LY6G6D: variants seen among roughly 807,000 people sequenced by gnomAD.
LY6G6D encodes lymphocyte antigen 6 complex locus protein G6d.
Under a neutral mutation model 8.5 loss-of-function variants are expected in LY6G6D, and 5 were observed. The ratio of observed to expected loss-of-function variants is 0.59; its 90% CI spans 0.31 to 1.24. The LOEUF (loss-of-function observed/expected upper bound fraction) is 1.24. Ranked by LOEUF, LY6G6D falls within the 50% of genes most tolerant of loss-of-function variation. The pLI is 0.07. For synonymous variants in LY6G6D, 65 were observed against 69.6 expected (o/e 0.93, Z 0.33); for missense variants, 154 against 170.4 (o/e 0.90, Z 0.53).
intron 2 of LY6G6D, 89 bp downstream of exon 2, chr6:31,715,713 C>T: frequency 1.3e-6 from 2 of 1,542,944 alleles, no homozygotes; most frequent in Non-Finnish European, 1.8e-6. Context: ...CCTCCAGGCT[C>T]AGTCTGGCTC....
Position 31,717,357 on chromosome 6 carries a change from C to A in LY6G6D, c.179-224C>A. 2.0e-6 allele frequency: 2 copies of A among 980,182 alleles called. No homozygotes were observed. Among genetic ancestry groups the A allele is most frequent in the Non-Finnish European group, 3.0e-6 (2 of 666,160 alleles). The allele number at this position is 980,182 out of a possible 1,614,324, so 60.7% of individuals were successfully genotyped here. ...TTGCCATGATGAGATTGAGGTCATG[C>A]ATTTTAAGCAAGAATACTGCAGAAG... On this transcript the variant is annotated intron_variant, in intron 2 of 2. Transcript: ENST00000375825. This position sits in a 1 kb window ranked among gnomAD's most constrained non-coding sequence, Gnocchi z 5.0.
chr6:31,716,056 C>A lies in LY6G6D; in HGVS notation c.178+432C>A, dbSNP rs763238098. On this transcript the variant is annotated intron_variant, in intron 2 of 2. Transcript: ENST00000375825. This position sits in a 1 kb window ranked among gnomAD's most constrained non-coding sequence, Gnocchi z 5.1. ...ACAGAAAAGTTGCAGAAATACTCAA[C>A]TTCTCCTAATGCTAACATCTTACAT... Among the ~76,000 whole-genome samples the A allele has an allele frequency of 6.6e-6, 1 of 151,644 alleles. No homozygotes were observed. Among genetic ancestry groups the A allele is most frequent in the African/African-American group, 2.4e-5 (1 of 41,284 alleles).
Position 31,717,425 on chromosome 6 carries a change from AG to A in LY6G6D, c.179-154del. 6.4e-7 allele frequency: 1 copy of A among 1,571,790 alleles called. No homozygotes were observed. The highest frequency in any genetic ancestry group is 8.6e-7 in the Non-Finnish European group (1 of 1,156,564). On this transcript the variant is annotated intron_variant, in intron 2 of 2. Transcript: ENST00000375825. The surrounding 1 kb of genome is among the most constrained non-coding windows in gnomAD (Gnocchi z 5.0). ...TGCTGCATCACATCAGGAGTTTACA[AG>A]GTCAATGCATTAACTTTGATCACTT... is the stretch of plus-strand genomic sequence containing the variant.
At position 31,717,794 on chromosome 6, in the gene LY6G6D, G is replaced by GGA. The variant is rs749015797; in HGVS notation, c.394_395dup (p.Ser132ArgfsTer26). On this transcript the variant is annotated frameshift_variant, in exon 3 of 3. Transcript: ENST00000375825. LOFTEE classifies it high-confidence loss of function. The surrounding 1 kb of genome is among the most constrained non-coding windows in gnomAD (Gnocchi z 5.0). Reference sequence around the variant, plus strand: ...CTGACCTGTCTCTTGCCAGGACTGTGGAGCGGATAGGGGGAGTAGGAGTAG... The same window carrying GGA: ...CTGACCTGTCTCTTGCCAGGACTGTGGAGAGCGGATAGGGGGAGTAGGAGTAG... The GGA allele has an allele frequency of 6.2e-6, 10 of 1,611,494 alleles. No individual in the cohort carries two copies. The highest frequency in any genetic ancestry group is 1.7e-5 in the Admixed American group (1 of 60,014).
chr6:31,715,774 T>C, intron 2 of LY6G6D, 150 bp downstream of exon 2: 1 of 1,236,620 alleles, frequency 8.1e-7, no homozygotes, highest in Non-Finnish European at 1.1e-6. Context: ...CCCTTCTGGC[T>C]CCTGGCACGG....
At position 31,715,551 on chromosome 6, in the gene LY6G6D, C is replaced by T; in HGVS notation, c.105C>T (p.Cys35=). The T allele has an allele frequency of 6.2e-7, 1 of 1,613,066 alleles. No individual in the cohort carries two copies. ...YNCGGSPSSS[C]KEAVTTCGEG... ...GTGGTGGAAGCCCCAGCAGTTCTTG[C>T]AAAGAGGCCGTGACCACCTGTGGCG... is the stretch of plus-strand genomic sequence containing the variant. Residue 35 remains cysteine (C), a synonymous_variant, in exon 2 of 3, where the codon TGC becomes TGT. Coordinates refer to ENST00000375825, the MANE Select transcript of LY6G6D (RefSeq NM_021246.4).
chr6:31,717,319 A>T lies in LY6G6D; in HGVS notation c.179-262A>T. The T allele has an allele frequency of 1.5e-6, 1 of 669,730 alleles. No individual in the cohort carries two copies. Among genetic ancestry groups the T allele is most frequent in the Non-Finnish European group, 2.5e-6 (1 of 405,592 alleles). The allele number at this position is 669,730 out of a possible 1,614,324, so 41.5% of individuals were successfully genotyped here. A position where few individuals can be genotyped will look rare whatever the true frequency, so the allele number is the denominator to read the frequency against. ...TTTTATAGAATGTCCCTCGATATTT[A>T]TTTATCTGATATTTGCCATGATGAG... On this transcript the variant is annotated intron_variant, in intron 2 of 2. Transcript: ENST00000375825. This position sits in a 1 kb window ranked among gnomAD's most constrained non-coding sequence, Gnocchi z 5.0.
At position 31,717,450 on chromosome 6, in the gene LY6G6D, T is replaced by G; in HGVS notation, c.179-131T>G. 4 of 1,604,158 alleles carry G rather than the reference T, an allele frequency of 2.5e-6. No individual in the cohort carries two copies. Among genetic ancestry groups the G allele is most frequent in the Non-Finnish European group, 3.4e-6 (4 of 1,174,890 alleles). On this transcript the variant is annotated intron_variant, in intron 2 of 2. Transcript: ENST00000375825. The surrounding 1 kb of genome is among the most constrained non-coding windows in gnomAD (Gnocchi z 5.0). Reference sequence around the variant, plus strand: ...AGGTCAATGCATTAACTTTGATCACTTGGTTTCAGGGAGGTGTTTTTTGAG... The same window carrying G: ...AGGTCAATGCATTAACTTTGATCACGTGGTTTCAGGGAGGTGTTTTTTGAG...
At position 31,717,407 on chromosome 6, in the gene LY6G6D, T is replaced by C; in HGVS notation, c.179-174T>C. ...GTGATGTTGCATCCTTCTTGCTGCA[T>C]CACATCAGGAGTTTACAAGGTCAAT... is the stretch of plus-strand genomic sequence containing the variant. On this transcript the variant is annotated intron_variant, in intron 2 of 2. Coordinates refer to ENST00000375825, the MANE Select transcript of LY6G6D (RefSeq NM_021246.4). The surrounding 1 kb of genome is among the most constrained non-coding windows in gnomAD (Gnocchi z 5.0). The C allele has an allele frequency of 1.3e-6, 2 of 1,517,424 alleles. No individual in the cohort carries two copies. The highest frequency in any genetic ancestry group is 1.8e-6 in the Non-Finnish European group (2 of 1,122,288). The allele number at this position is 1,517,424 out of a possible 1,614,324, so 94.0% of individuals were successfully genotyped here. A position where few individuals can be genotyped will look rare whatever the true frequency, so the allele number is the denominator to read the frequency against.
Position 31,716,975 on chromosome 6 carries a change from A to T in LY6G6D, c.179-606A>T, listed in dbSNP as rs1399997823. Among the ~76,000 whole-genome samples, 1 of 150,836 alleles carries T rather than the reference A, an allele frequency of 6.6e-6. No individual in the cohort carries two copies. The highest frequency in any genetic ancestry group is 2.0e-4 in the East Asian group (1 of 5,052). Reference sequence around the variant, plus strand: ...AGATTAAACAAAAATTACGTGCCGGATGCAGTGGCTCACGCCTGTAATCCC... The same window carrying T: ...AGATTAAACAAAAATTACGTGCCGGTTGCAGTGGCTCACGCCTGTAATCCC... On this transcript the variant is annotated intron_variant, in intron 2 of 2. Transcript: ENST00000375825. This position sits in a 1 kb window ranked among gnomAD's most constrained non-coding sequence, Gnocchi z 5.1.
chr6:31,717,399 T>G lies in LY6G6D; in HGVS notation c.179-182T>G. 5 of 1,477,388 alleles carry G rather than the reference T, an allele frequency of 3.4e-6. No homozygotes were observed. Among genetic ancestry groups the G allele is most frequent in the Non-Finnish European group, 4.6e-6 (5 of 1,090,832 alleles). The allele number at this position is 1,477,388 out of a possible 1,614,324, so 91.5% of individuals were successfully genotyped here. On this transcript the variant is annotated intron_variant, in intron 2 of 2. Coordinates refer to ENST00000375825, the MANE Select transcript of LY6G6D (RefSeq NM_021246.4). The surrounding 1 kb of genome is among the most constrained non-coding windows in gnomAD (Gnocchi z 5.0). ...CTGCAGAAGTGATGTTGCATCCTTC[T>G]TGCTGCATCACATCAGGAGTTTACA...
Position 31,717,557 on chromosome 6 carries a change from C to T in LY6G6D, c.179-24C>T, listed in dbSNP as rs1806522045. The T allele has an allele frequency of 1.2e-6, 2 of 1,614,120 alleles. No homozygotes were observed. Among genetic ancestry groups the T allele is most frequent in the Admixed American group, 1.7e-5 (1 of 60,006 alleles). On this transcript the variant is annotated intron_variant, in intron 2 of 2. Coordinates refer to ENST00000375825, the MANE Select transcript of LY6G6D (RefSeq NM_021246.4). This position sits in a 1 kb window ranked among gnomAD's most constrained non-coding sequence, Gnocchi z 5.0. ...AAGTCCTGAAGCCAGGAGTCCAACA[C>T]CCCAGTTTCATTCTCTCTCTCAGCC... is the stretch of plus-strand genomic sequence containing the variant.
Position 31,717,558 on chromosome 6 carries a change from C to G in LY6G6D, c.179-23C>G, listed in dbSNP as rs1806522325. 4 of 1,614,092 alleles carry G rather than the reference C, an allele frequency of 2.5e-6. No individual in the cohort carries two copies. The highest frequency in any genetic ancestry group is 3.4e-6 in the Non-Finnish European group (4 of 1,180,050). ...AGTCCTGAAGCCAGGAGTCCAACAC[C>G]CCAGTTTCATTCTCTCTCTCAGCCC... On this transcript the variant is annotated intron_variant, in intron 2 of 2. Coordinates refer to ENST00000375825, the MANE Select transcript of LY6G6D (RefSeq NM_021246.4). The surrounding 1 kb of genome is among the most constrained non-coding windows in gnomAD (Gnocchi z 5.0).
Position 31,715,561 on chromosome 6 carries a change from G to A in LY6G6D, c.115G>A (p.Val39Met), listed in dbSNP as rs780408065. 9.7e-5 allele frequency: 156 copies of A among 1,612,906 alleles called. No individual in the cohort carries two copies. In the African/African-American group the frequency reaches 1.6e-3, roughly 17 times the overall value. ...CCCCAGCAGTTCTTGCAAAGAGGCC[G>A]TGACCACCTGTGGCGAGGGCAGACC... ...GSPSSSCKEA[V>M]TTCGEGRPQP... The change falls in exon 2 of 3, where the codon GTG becomes ATG. Residue 39 changes from valine (V) to methionine (M), a missense_variant. Val to Met is a conservative substitution (Grantham distance 21). Coordinates refer to ENST00000375825, the MANE Select transcript of LY6G6D (RefSeq NM_021246.4).
At position 31,717,313 on chromosome 6, in the gene LY6G6D, A is replaced by G; in HGVS notation, c.179-268A>G. 1.5e-6 allele frequency: 1 copy of G among 645,922 alleles called. No individual in the cohort carries two copies. The highest frequency in any genetic ancestry group is 2.6e-6 in the Non-Finnish European group (1 of 388,338). The allele number at this position is 645,922 out of a possible 1,614,324, so 40.0% of individuals were successfully genotyped here. A position where few individuals can be genotyped will look rare whatever the true frequency, so the allele number is the denominator to read the frequency against. On this transcript the variant is annotated intron_variant, in intron 2 of 2. Transcript: ENST00000375825. The surrounding 1 kb of genome is among the most constrained non-coding windows in gnomAD (Gnocchi z 5.0). ...AAATTATTTTATAGAATGTCCCTCGATATTTATTTATCTGATATTTGCCAT... is the reference window on the plus strand; with the variant it reads ...AAATTATTTTATAGAATGTCCCTCGGTATTTATTTATCTGATATTTGCCAT...
In LY6G6D at chr6:31,717,680, A is replaced by T; in HGVS notation, c.278A>T (p.His93Leu). The T allele has an allele frequency of 6.2e-7, 1 of 1,614,188 alleles. No individual in the cohort carries two copies. Among genetic ancestry groups the T allele is most frequent in the Non-Finnish European group, 8.5e-7 (1 of 1,180,036 alleles). The change falls in exon 3 of 3, where the codon CAC (histidine) becomes CTC (leucine). Residue 93 changes from histidine to leucine, a missense_variant. By Grantham distance (99) the His-to-Leu change is moderately conservative. Coordinates refer to ENST00000375825, the MANE Select transcript of LY6G6D (RefSeq NM_021246.4). The surrounding 1 kb of genome is among the most constrained non-coding windows in gnomAD (Gnocchi z 5.0). Reference sequence around the variant, plus strand: ...GTGGGAGACGTGACTTATCCAGCCCACAGGGACTGCTACCTGGGAGACCTG... The same window carrying T: ...GTGGGAGACGTGACTTATCCAGCCCTCAGGGACTGCTACCTGGGAGACCTG... ...ESVGDVTYPA[H>L]RDCYLGDLCN...
Position 31,717,721 on chromosome 6 carries a change from G to A in LY6G6D, c.319G>A (p.Ala107Thr). The A allele has an allele frequency of 6.2e-7, 1 of 1,614,186 alleles. No homozygotes were observed. Among genetic ancestry groups the A allele is most frequent in the African/African-American group, 1.3e-5 (1 of 75,052 alleles). The change falls in exon 3 of 3, where the codon GCA (alanine) becomes ACA (threonine). Residue 107 changes from alanine (A) to threonine (T), a missense_variant. By Grantham distance (58) the Ala-to-Thr change is moderately conservative (BLOSUM62 0). Transcript: ENST00000375825. This position sits in a 1 kb window ranked among gnomAD's most constrained non-coding sequence, Gnocchi z 5.0. Reference protein sequence around the residue: ...YLGDLCNSAVASHVAPAGILA... With the variant: ...YLGDLCNSAVTSHVAPAGILA... Reference sequence around the variant, plus strand: ...GGGAGACCTGTGCAACAGCGCCGTGGCAAGCCATGTGGCCCCTGCAGGCAT... The same window carrying A: ...GGGAGACCTGTGCAACAGCGCCGTGACAAGCCATGTGGCCCCTGCAGGCAT...
Position 31,717,338 on chromosome 6 carries a change from T to C in LY6G6D, c.179-243T>C. ...ATATTTATTTATCTGATATTTGCCA[T>C]GATGAGATTGAGGTCATGCATTTTA... On this transcript the variant is annotated intron_variant, in intron 2 of 2. Transcript: ENST00000375825. This position sits in a 1 kb window ranked among gnomAD's most constrained non-coding sequence, Gnocchi z 5.0. 1.3e-6 allele frequency: 1 copy of C among 751,320 alleles called. No individual in the cohort carries two copies. The highest frequency in any genetic ancestry group is 2.1e-6 in the Non-Finnish European group (1 of 466,532). The allele number at this position is 751,320 out of a possible 1,614,324, so 46.5% of individuals were successfully genotyped here.
At position 31,717,180 on chromosome 6, in the gene LY6G6D, G is replaced by A. The variant is rs574155470; in HGVS notation, c.179-401G>A. Among the ~76,000 whole-genome samples the A allele has an allele frequency of 4.0e-4, 60 of 150,658 alleles. No homozygotes were observed. The highest frequency in any genetic ancestry group is 1.4e-3 in the African/African-American group (57 of 40,900). On this transcript the variant is annotated intron_variant, in intron 2 of 2. Coordinates refer to ENST00000375825, the MANE Select transcript of LY6G6D (RefSeq NM_021246.4). This position sits in a 1 kb window ranked among gnomAD's most constrained non-coding sequence, Gnocchi z 5.0. ...CAGGAGAATTGCTTGAACCCAAGAG[G>A]TGGAGGTCGCGGTGAGCCGAGATCA...
Sources: allele counts gnomAD v4.1 joint callset (sites outside exome capture counted in the v4.1 genomes callset), GRCh38; gene constraint gnomAD v4.1.1; non-coding constraint Gnocchi (gnomAD v3.1); transcripts MANE v1.5; gene names NCBI Gene and HGNC (gene_info 2026-07-23, HGNC 2026-07-21).